PLD5: variants seen among roughly 807,000 people sequenced by gnomAD.
The protein encoded by PLD5 is inactive phospholipase D5.
In PLD5, 36 loss-of-function variants were observed where a neutral mutation model predicts 61.1. The ratio of observed to expected loss-of-function variants is 0.59; its 90% CI spans 0.45 to 0.78. The LOEUF (loss-of-function observed/expected upper bound fraction) is 0.78, where lower values mean the gene tolerates loss of function less well. PLD5 is among the 30% of genes least tolerant of loss of function. The pLI is 0.00. For synonymous variants in PLD5, 243 were observed against 242.8 expected (o/e 1.00, Z -0.01); for missense variants, 515 against 644.4 (o/e 0.80, Z 2.17).
intron 1 of PLD5, among the ~76,000 whole-genome samples, chr1:242,482,496 G>A (rs1394125869): frequency 2.0e-5 from 3 of 152,134 alleles, no homozygotes; most frequent in Non-Finnish European, 4.4e-5. Flanking sequence ...AGTGAGAAGA[G>A]AAGTTTAGAG....
chr1:242,121,857 C>T (rs1429234260), intron 6 of PLD5, among the ~76,000 whole-genome samples: 6 of 149,558 alleles, frequency 4.0e-5, no homozygotes, highest in East Asian at 2.0e-4. Flanking sequence ...AACCAAACAC[C>T]GCATGTTCTT....
At chr1:242,424,900 G>GC (rs1367127796) in intron 1 of PLD5, among the ~76,000 whole-genome samples, 1 of 152,176 alleles carries the variant, frequency 6.6e-6, no homozygotes, top group Non-Finnish European at 1.5e-5. Flanking sequence ...GGGAGGTCAA[G>GC]ACGGGTAGAT....
intron 1 of PLD5, among the ~76,000 whole-genome samples, chr1:242,416,400 A>G (rs1195462636): frequency 6.6e-6 from 1 of 152,216 alleles, no homozygotes; most frequent in Non-Finnish European, 1.5e-5. Flanking sequence ...TGTAGGAAGT[A>G]TAATTTCCTA....
At chr1:242,342,494 G>A (rs2149214195) in intron 2 of PLD5, among the ~76,000 whole-genome samples, 1 of 152,300 alleles carries the variant, frequency 6.6e-6, no homozygotes, top group South Asian at 2.1e-4. Flanking sequence ...GTACGAGGAT[G>A]ATCAGGGGCA....
At chr1:242,180,237 AAGAGGGCTAG>A (rs1667437434) in intron 5 of PLD5, among the ~76,000 whole-genome samples, 1 of 152,108 alleles carries the variant, frequency 6.6e-6, no homozygotes. Flanking sequence ...AAAGAGCTAG[AAGAGGGCTAG>A]AGAAAATATG....
intron 1 of PLD5, among the ~76,000 whole-genome samples, chr1:242,360,786 CAATGGAA>C (rs995747888): frequency 1.3e-5 from 2 of 152,002 alleles, no homozygotes; most frequent in Non-Finnish European, 2.9e-5. Flanking sequence ...ACTCATTTTA[CAATGGAA>C]AAAAGTGATT....
At chr1:242,092,738 A>G (rs1659931579) in intron 9 of PLD5, among the ~76,000 whole-genome samples, 1 of 152,158 alleles carries the variant, frequency 6.6e-6, no homozygotes, top group South Asian at 2.1e-4. Flanking sequence ...GCTGGAAGAA[A>G]GCACATCTGG....
chr1:242,271,201 C>CAG (rs60075638), intron 3 of PLD5, among the ~76,000 whole-genome samples: 17 of 102,106 alleles, frequency 1.7e-4, no homozygotes, highest in African/African-American at 7.6e-4. Flanking sequence ...CACACACACA[C>CAG]AGAGAGAGAG....
chr1:242,265,527 T>C, intron 3 of PLD5, 79 bp from the exon 4 acceptor site: 1 of 1,198,512 alleles, frequency 8.3e-7, no homozygotes, highest in Non-Finnish European at 1.2e-6. Context: ...ATAAACTCAT[T>C]AAAATTAATC....
Position 242,474,448 on chromosome 1 carries a change from T to C in PLD5, c.189+49640A>G, listed in dbSNP as rs557071894. 2.6e-5 allele frequency among the ~76,000 whole-genome samples: 4 copies of C among 152,306 alleles called. No homozygotes were observed. The South Asian group carries it at 8.3e-4, about 32-fold the overall frequency. On this transcript the variant is annotated intron_variant, in intron 1 of 9. Transcript: ENST00000536534. ...TTCAAAATTACGTCCAAAATATTCT[T>C]CAATTATGTCCCTTTCTTCTCAATT...
At chr1:242,141,571 C>T (rs890691822) in intron 5 of PLD5, among the ~76,000 whole-genome samples, 1 of 152,160 alleles carries the variant, frequency 6.6e-6, no homozygotes, top group Non-Finnish European at 1.5e-5. Flanking sequence ...CTTCTATTCC[C>T]TAAAGAGGAT....
At chr1:242,446,951 C>T (rs2102917482) in intron 1 of PLD5, among the ~76,000 whole-genome samples, 1 of 152,284 alleles carries the variant, frequency 6.6e-6, no homozygotes, top group African/African-American at 2.4e-5. Flanking sequence ...TTACCCCTCA[C>T]TAGCTGTGTG....
At chr1:242,201,145 G>A (rs1020768579) in intron 5 of PLD5, among the ~76,000 whole-genome samples, 3 of 152,124 alleles carry the variant, frequency 2.0e-5, no homozygotes, top group African/African-American at 7.2e-5. Context: ...GCAAGCAATG[G>A]GGCTAAATTT....
At chr1:242,493,206 C>A (rs1261496535) in intron 1 of PLD5, among the ~76,000 whole-genome samples, 1 of 152,098 alleles carries the variant, frequency 6.6e-6, no homozygotes, top group Non-Finnish European at 1.5e-5. Context: ...TCCTGTCATA[C>A]ACATAGGGAC....
chr1:242,184,849 G>A (rs568396163), intron 5 of PLD5, among the ~76,000 whole-genome samples: 116 of 152,290 alleles, frequency 7.6e-4, no homozygotes, highest in Admixed American at 1.8e-3. Context: ...TGTTTTTCCC[G>A]TAGGGGAGGA....
intron 2 of PLD5, among the ~76,000 whole-genome samples, chr1:242,306,597 A>G (rs1265089972): frequency 6.6e-6 from 1 of 152,040 alleles, no homozygotes; most frequent in Non-Finnish European, 1.5e-5. Flanking sequence ...AGCATTTGCT[A>G]AGATAAAAAG....
chr1:242,473,031 A>T (rs904788957), intron 1 of PLD5, among the ~76,000 whole-genome samples: 15 of 152,212 alleles, frequency 9.9e-5, no homozygotes, highest in African/African-American at 3.6e-4. Flanking sequence ...CAGAAAAGAG[A>T]CAGAAGAAAA....
intron 5 of PLD5, among the ~76,000 whole-genome samples, chr1:242,137,935 C>A (rs1191948308): frequency 1.3e-5 from 2 of 152,188 alleles, no homozygotes; most frequent in Non-Finnish European, 2.9e-5. Context: ...GTTCTTTCCA[C>A]ATGCTTATGG....
At chr1:242,483,006 G>A (rs1667835235) in intron 1 of PLD5, among the ~76,000 whole-genome samples, 1 of 152,104 alleles carries the variant, frequency 6.6e-6, no homozygotes, top group Non-Finnish European at 1.5e-5. Context: ...ACAAGCAAAT[G>A]CTGAGAAATT....
Sources: gnomAD v4.1 joint callset for allele counts (sites outside exome capture counted in the v4.1 genomes callset) on GRCh38, gnomAD v4.1.1 for gene constraint, MANE v1.5 for transcripts, NCBI Gene and HGNC (gene_info 2026-07-23, HGNC 2026-07-21) for gene names.